The following PCDHA1 variants were observed in gnomAD, a reference collection of about 807,000 sequenced individuals.
PCDHA1 encodes the protein protocadherin alpha-1.
Under a neutral mutation model 61.3 loss-of-function variants are expected in PCDHA1, and 42 were observed. The observed-to-expected ratio is 0.69, with a 90% CI of 0.54 to 0.89. The LOEUF (loss-of-function observed/expected upper bound fraction) is 0.89. Among genes scored for constraint, PCDHA1 ranks in the 40% least tolerant of loss-of-function variants. The pLI is 0.00. For missense variants in PCDHA1, 1,256 were observed against 1,235.3 expected, an observed-to-expected ratio of 1.02 and a Z score of -0.25; for synonymous variants, 610 against 553.8, an observed-to-expected ratio of 1.10 and a Z score of -1.43.
chr5:140,808,357 G>A, intron 1 of PCDHA1: 1 of 1,614,204 alleles, frequency 6.2e-7, no homozygotes, highest in South Asian at 1.1e-5. Context: ...GCTCCTTGAC[G>A]TCCCACGTCC....
chr5:140,787,383 C>T lies in PCDHA1; in HGVS notation c.1093C>T (p.Leu365Phe). ...TTTGCCTATCAGAGAGGACGCTCCA[C>T]TCAGCACCGTCATCGCCCTCATCAC... ...LYLPIREDAP[L>F]STVIALITVS... Residue 365 changes from leucine (L) to phenylalanine (F), a missense_variant, in exon 1 of 4, where the codon CTC (leucine) becomes TTC (phenylalanine). Coordinates refer to ENST00000504120, the MANE Select transcript of PCDHA1 (RefSeq NM_018900.4). 3.7e-6 allele frequency: 6 copies of T among 1,614,226 alleles called. No homozygotes were observed. Among genetic ancestry groups the T allele is most frequent in the Non-Finnish European group, 5.1e-6 (6 of 1,180,044 alleles).
chr5:140,917,669 C>G (rs555314392), intron 1 of PCDHA1, among the ~76,000 whole-genome samples: 2 of 152,140 alleles, frequency 1.3e-5, no homozygotes, highest in Non-Finnish European at 2.9e-5. Context: ...AGTCCTTTCT[C>G]CATTGCTTGT....
intron 1 of PCDHA1, among the ~76,000 whole-genome samples, chr5:140,975,044 G>A (rs115613317): frequency 0.045 from 6,815 of 152,244 alleles, 210 homozygotes; most frequent in Non-Finnish European, 0.062. Flanking sequence ...AGGCTCTTAG[G>A]AAGAATCTAC....
chr5:140,849,895 A>G (rs2150456565), intron 1 of PCDHA1: 1 of 1,598,460 alleles, frequency 6.3e-7, no homozygotes, highest in South Asian at 1.1e-5. Flanking sequence ...GTGAAGGAGA[A>G]CAACCCGCCG....
chr5:140,808,835 A>G (rs1554124834), intron 1 of PCDHA1: 1 of 1,612,992 alleles, frequency 6.2e-7, no homozygotes. Flanking sequence ...CAGCAACGTG[A>G]CGCTGCAGGT....
At chr5:140,848,688 C>T in intron 1 of PCDHA1, 1 of 1,592,412 alleles carries the variant, frequency 6.3e-7, no homozygotes. Context: ...GCGCCTGTTC[C>T]AGTTGGATTC....
chr5:140,828,344 T>C (rs1769704236), intron 1 of PCDHA1: 1 of 1,614,208 alleles, frequency 6.2e-7, no homozygotes, highest in East Asian at 2.2e-5. Context: ...TGGCATTTTG[T>C]TTGTGAATTC....
Position 140,831,520 on chromosome 5 carries a change from CT to C in PCDHA1, c.2394+42860del, listed in dbSNP as rs2150195630. On this transcript the variant is annotated intron_variant, in intron 1 of 3. Coordinates refer to ENST00000504120, the MANE Select transcript of PCDHA1 (RefSeq NM_018900.4). ...ACACGAGCACCACCATGCCCCCCAC[CT>C]TTTTTTTTTTTTTTTTTTTTTTTAA... Among the ~76,000 whole-genome samples the C allele has an allele frequency of 5.3e-3, 643 of 122,360 alleles. 1 individual carries two copies. The highest frequency in any genetic ancestry group is 0.013 in the Middle Eastern group (3 of 240). The allele number at this position is 122,360 out of a possible 152,430, so 80.3% of individuals were successfully genotyped here. A position where few individuals can be genotyped will look rare whatever the true frequency, so the allele number is the denominator to read the frequency against.
chr5:140,789,276 C>T (rs931356702), intron 1 of PCDHA1, among the ~76,000 whole-genome samples: 1 of 152,080 alleles, frequency 6.6e-6, no homozygotes, highest in Admixed American at 6.6e-5. Context: ...ATGGTGAAAC[C>T]CCGTCTCAAC....
At chr5:140,802,099 A>T (rs1418174507) in intron 1 of PCDHA1, 2 of 1,614,118 alleles carry the variant, frequency 1.2e-6, no homozygotes, top group African/African-American at 2.7e-5. Flanking sequence ...GTCAATGGAC[A>T]AATCAGTGTA....
intron 1 of PCDHA1, chr5:140,968,154 A>G (rs782200456): frequency 3.7e-6 from 6 of 1,614,162 alleles, no homozygotes; most frequent in South Asian, 1.1e-5. Flanking sequence ...TCTGACATCA[A>G]TGACAATCCA....
chr5:140,935,996 G>A (rs145363850), intron 1 of PCDHA1, among the ~76,000 whole-genome samples: 2 of 150,844 alleles, frequency 1.3e-5, no homozygotes, highest in African/African-American at 4.9e-5. Context: ...GGGTTCAAGC[G>A]ATTCTCCCAC....
At chr5:140,906,540 A>T (rs1375015616) in intron 1 of PCDHA1, among the ~76,000 whole-genome samples, 4 of 152,232 alleles carry the variant, frequency 2.6e-5, no homozygotes, top group African/African-American at 9.6e-5. Context: ...TAAAATCCTC[A>T]TTTCTGCAAC....
rs2150353254 is a variant in PCDHA1 at position 140,843,123 on chromosome 5, C to A, written c.2394+54439C>A. On this transcript the variant is annotated intron_variant, in intron 1 of 3. Transcript: ENST00000504120. ...AAGGTGCGCGCAGTGGACGCCGACT[C>A]GGGCTACAACGCGTGGCTTTCGTAT... The A allele has an allele frequency of 3.1e-6, 5 of 1,595,902 alleles. No individual in the cohort carries two copies. In the South Asian group the frequency reaches 3.3e-5, roughly 11 times the overall value.
chr5:140,984,056 G>T (rs569184437), intron 3 of PCDHA1, among the ~76,000 whole-genome samples: 1 of 152,200 alleles, frequency 6.6e-6, no homozygotes, highest in Non-Finnish European at 1.5e-5. Context: ...TGACAAATCT[G>T]TACCCTCAGT....
At chr5:140,923,364 A>C (rs1414879540) in intron 1 of PCDHA1, among the ~76,000 whole-genome samples, 1 of 152,106 alleles carries the variant, frequency 6.6e-6, no homozygotes, top group African/African-American at 2.4e-5. Flanking sequence ...TATCTTTATA[A>C]AATATTTTTA....
intron 1 of PCDHA1, among the ~76,000 whole-genome samples, chr5:140,917,252 C>T (rs536856521): frequency 3.2e-4 from 47 of 149,018 alleles, no homozygotes; most frequent in Non-Finnish European, 4.9e-4. Flanking sequence ...TACGATTGCT[C>T]ACCTGATGTT....
chr5:140,967,810 C>T, intron 1 of PCDHA1: 1 of 1,614,176 alleles, frequency 6.2e-7, no homozygotes, highest in Non-Finnish European at 8.5e-7. Context: ...TGGCAGGTCA[C>T]TGCAAGGTGC....
rs557642190 is a variant in PCDHA1 at position 140,808,262 on chromosome 5, A to G, written c.2394+19578A>G. 1.4e-5 allele frequency: 23 copies of G among 1,614,256 alleles called. No individual in the cohort carries two copies. In the South Asian group the frequency reaches 1.8e-4, roughly 12 times the overall value. On this transcript the variant is annotated intron_variant, in intron 1 of 3. Coordinates refer to ENST00000504120, the MANE Select transcript of PCDHA1 (RefSeq NM_018900.4). ...GGAATTCAAGTCTTTATCACTTCCA[A>G]TTAGAGAGGACGCTCCACTGGGTAC...
Sources: allele counts gnomAD v4.1 joint callset (sites outside exome capture counted in the v4.1 genomes callset), GRCh38; gene constraint gnomAD v4.1.1; transcripts MANE v1.5; gene names NCBI Gene and HGNC (gene_info 2026-07-23, HGNC 2026-07-21).